The following CTNND2 variants were observed in gnomAD, a reference collection of about 807,000 sequenced individuals.
CTNND2 encodes the protein catenin delta-2.
A neutral mutation model predicts 144.4 loss-of-function variants in CTNND2; 22 were observed. That is an observed-to-expected ratio of 0.15 (90% CI 0.11 to 0.22). CTNND2 has a LOEUF of 0.22. Ranked by LOEUF, CTNND2 falls within the 10% of genes least tolerant of loss-of-function variation. CTNND2 has a pLI of 1.00. For missense variants in CTNND2, 1,353 were observed against 1,618.8 expected, an observed-to-expected ratio of 0.84 and a Z score of 2.82; for synonymous variants, 751 against 695.6, an observed-to-expected ratio of 1.08 and a Z score of -1.25.
chr5:11,353,583 T>C (rs765176700), intron 8 of CTNND2, among the ~76,000 whole-genome samples: 1 of 152,086 alleles, frequency 6.6e-6, no homozygotes, highest in East Asian at 1.9e-4. Flanking sequence ...GGTGGGCGGA[T>C]CACGAGGTCA....
chr5:11,812,708 T>C (rs369347355), intron 1 of CTNND2, among the ~76,000 whole-genome samples: 1 of 152,314 alleles, frequency 6.6e-6, no homozygotes, highest in African/African-American at 2.4e-5. Flanking sequence ...CTCCAAACAA[T>C]ATATTTGAAA....
chr5:11,740,524 T>C (rs1787941249), intron 1 of CTNND2, among the ~76,000 whole-genome samples: 1 of 152,114 alleles, frequency 6.6e-6, no homozygotes, highest in Non-Finnish European at 1.5e-5. Flanking sequence ...CCTTACACCT[T>C]ATACAAAAAT....
At chr5:11,727,281 A>T (rs1311835034) in intron 2 of CTNND2, among the ~76,000 whole-genome samples, 1 of 152,134 alleles carries the variant, frequency 6.6e-6, no homozygotes, top group Non-Finnish European at 1.5e-5. Context: ...ACCCTCCTGG[A>T]ACTCTAAACA....
At chr5:11,254,527 T>G (rs1319137528) in intron 9 of CTNND2, among the ~76,000 whole-genome samples, 3 of 152,100 alleles carry the variant, frequency 2.0e-5, no homozygotes, top group Non-Finnish European at 2.9e-5. Context: ...TTTGAATAGG[T>G]ATCAGAGGTG....
chr5:11,641,751 T>C (rs1437593742), intron 2 of CTNND2, among the ~76,000 whole-genome samples: 1 of 140,258 alleles, frequency 7.1e-6, no homozygotes, highest in Admixed American at 6.9e-5. Context: ...TATACGTGTG[T>C]ATGTACATAC....
chr5:11,112,290 G>A (rs543887133), intron 13 of CTNND2, among the ~76,000 whole-genome samples: 1 of 152,178 alleles, frequency 6.6e-6, no homozygotes, highest in Admixed American at 6.5e-5. Context: ...CTCACAAGGG[G>A]CCTGTACGTC....
At chr5:11,796,828 C>G (rs1791431443) in intron 1 of CTNND2, among the ~76,000 whole-genome samples, 1 of 152,004 alleles carries the variant, frequency 6.6e-6, no homozygotes, top group Admixed American at 6.6e-5. Flanking sequence ...TATATTGCTG[C>G]TAAAAATTAA....
intron 2 of CTNND2, among the ~76,000 whole-genome samples, chr5:11,618,100 A>C (rs2126413616): frequency 6.7e-6 from 1 of 150,084 alleles, no homozygotes; most frequent in African/African-American, 2.4e-5. Flanking sequence ...TTTTTTTTTT[A>C]ATACCATTCA....
intron 16 of CTNND2, among the ~76,000 whole-genome samples, chr5:11,034,675 T>TAA (rs1743871036): frequency 6.6e-6 from 1 of 152,188 alleles, no homozygotes; most frequent in Non-Finnish European, 1.5e-5. Context: ...CTCCTAGCCT[T>TAA]CTCTATGTCT....
At chr5:11,358,025 A>G (rs182072001) in intron 8 of CTNND2, among the ~76,000 whole-genome samples, 91 of 152,280 alleles carry the variant, frequency 6.0e-4, no homozygotes, top group Non-Finnish European at 1.0e-3. Context: ...ATGAAGCCCC[A>G]TTCAATGTGC....
Position 11,082,703 on chromosome 5 carries a change from C to G in CTNND2, c.2781G>C (p.Glu927Asp). ...GAATCAGGGAGAACATACCGATGAGCTCCTTATTTCTGACGTCCAAGGCCA... is the reference window on the plus strand; with the variant it reads ...GAATCAGGGAGAACATACCGATGAGGTCCTTATTTCTGACGTCCAAGGCCA... ...RNMALDVRNK[E>D]LIGKYAMRDL... The change falls in exon 16 of 22, where the codon GAG becomes GAC. Residue 927 changes from glutamate to aspartate, a missense_variant. Glu to Asp is a conservative substitution (Grantham distance 45, BLOSUM62 2). This residue lies in a region of CTNND2 where 459 missense variants were observed against 674.3 expected (regional missense o/e 0.68). Coordinates refer to ENST00000304623, the MANE Select transcript of CTNND2 (RefSeq NM_001332.4). 2 of 1,613,938 alleles carry G rather than the reference C, an allele frequency of 1.2e-6. No homozygotes were observed. The highest frequency in any genetic ancestry group is 1.7e-6 in the Non-Finnish European group (2 of 1,179,928).
chr5:11,853,148 T>C (rs1480464246), intron 1 of CTNND2, among the ~76,000 whole-genome samples: 1 of 152,146 alleles, frequency 6.6e-6, no homozygotes, highest in Non-Finnish European at 1.5e-5. Flanking sequence ...AAACTCACTC[T>C]TTTTCCCTCA....
chr5:11,666,595 A>G (rs1219823418), intron 2 of CTNND2, among the ~76,000 whole-genome samples: 5 of 152,130 alleles, frequency 3.3e-5, no homozygotes, highest in African/African-American at 1.2e-4. Context: ...AGTCTGCCTG[A>G]TCATTGGAAT....
At chr5:11,843,192 TA>T (rs970588231) in intron 1 of CTNND2, among the ~76,000 whole-genome samples, 3 of 152,116 alleles carry the variant, frequency 2.0e-5, no homozygotes, top group Non-Finnish European at 4.4e-5. Context: ...GCAATAAAAA[TA>T]AAACAAGAAA....
At chr5:11,108,760 TGAA>T (rs545444636) in intron 14 of CTNND2, among the ~76,000 whole-genome samples, 112 of 152,286 alleles carry the variant, frequency 7.4e-4, no homozygotes, top group Non-Finnish European at 1.4e-3. Context: ...AACAGCGCCT[TGAA>T]GAAGGTCTGA....
intron 9 of CTNND2, among the ~76,000 whole-genome samples, chr5:11,282,666 A>G (rs1212400621): frequency 6.6e-6 from 1 of 152,238 alleles, no homozygotes; most frequent in African/African-American, 2.4e-5. Context: ...TGATTTACAT[A>G]TCTTTTTTGA....
At chr5:11,572,270 A>G (rs1777623445) in intron 2 of CTNND2, among the ~76,000 whole-genome samples, 1 of 152,162 alleles carries the variant, frequency 6.6e-6, no homozygotes, top group African/African-American at 2.4e-5. Flanking sequence ...ATCCTACACC[A>G]AGATGCTGAT....
intron 9 of CTNND2, among the ~76,000 whole-genome samples, chr5:11,243,774 A>G (rs1742700275): frequency 6.6e-6 from 1 of 152,218 alleles, no homozygotes; most frequent in Non-Finnish European, 1.5e-5. Flanking sequence ...TTCTGCTGGT[A>G]CGGAAACCAA....
chr5:11,161,050 G>A (rs1385192416), intron 11 of CTNND2, among the ~76,000 whole-genome samples: 1 of 152,186 alleles, frequency 6.6e-6, no homozygotes, highest in African/African-American at 2.4e-5. Flanking sequence ...GAAACAAAAT[G>A]TTTTTAGTGC....
Sources: gnomAD v4.1 joint callset for allele counts (sites outside exome capture counted in the v4.1 genomes callset) on GRCh38, gnomAD v4.1.1 for gene constraint, gnomAD v4.1.1 regional missense constraint, MANE v1.5 for transcripts, NCBI Gene and HGNC (gene_info 2026-07-23, HGNC 2026-07-21) for gene names.